The following LITAF variants were observed in gnomAD, a reference collection of about 807,000 sequenced individuals.
LITAF encodes lipopolysaccharide induced TNF factor, also known as lipopolysaccharide-induced tumor necrosis factor-alpha factor.
In LITAF, 9 loss-of-function variants were observed where a neutral mutation model predicts 14.5. The ratio of observed to expected loss-of-function variants is 0.62; its 90% CI spans 0.37 to 1.08. The LOEUF (loss-of-function observed/expected upper bound fraction) is 1.08. Among genes scored for constraint, LITAF ranks in the 50% least tolerant of loss-of-function variants. The pLI is 0.01. For missense variants in LITAF, 206 were observed against 213.4 expected (o/e 0.97, Z 0.22); for synonymous variants, 98 against 88.2 (o/e 1.11, Z -0.62).
chr16:11,602,760 C>CAAA (rs35880448), upstream of LITAF, among the ~76,000 whole-genome samples: 217 of 114,114 alleles, frequency 1.9e-3, 2 homozygotes, highest in Middle Eastern at 3.9e-3. Context: ...TGGCTTGTTG[C>CAAA]AAAAAAAAAA....
At chr16:11,587,922 C>G (rs1234967159), upstream of LITAF, among the ~76,000 whole-genome samples, 2 of 152,196 alleles carry the variant, frequency 1.3e-5, no homozygotes, top group Non-Finnish European at 2.9e-5. Flanking sequence ...GAGCCCCATG[C>G]TGGCAAAGAC....
At chr16:11,580,313 A>T (rs1181710935) in intron 1 of LITAF, among the ~76,000 whole-genome samples, 1 of 151,684 alleles carries the variant, frequency 6.6e-6, no homozygotes, top group Non-Finnish European at 1.5e-5. Flanking sequence ...GCTGGCGTAC[A>T]GTGGTGTGAT....
upstream of LITAF, among the ~76,000 whole-genome samples, chr16:11,638,109 T>TAGATAGATAGATAG (rs1567271187): frequency 7.3e-5 from 5 of 68,660 alleles, no homozygotes; most frequent in African/African-American, 5.0e-4. Flanking sequence ...TATATATATA[T>TAGATAGATAGATAG]CTATCTATAT....
intron 2 of LITAF, chr16:11,556,151 C>A (rs141646898): frequency 7.3e-6 from 3 of 412,946 alleles, no homozygotes; most frequent in African/African-American, 2.0e-5. Context: ...CTATTCCTAC[C>A]TCGGCCCTGG....
In LITAF at chr16:11,549,874, G is replaced by A; in HGVS notation, c.378-129C>T. On this transcript the variant is annotated intron_variant, in intron 3 of 3. Coordinates refer to ENST00000622633, the MANE Select transcript of LITAF (RefSeq NM_001136472.2). This position sits in a 1 kb window ranked among gnomAD's most constrained non-coding sequence, Gnocchi z 4.6. ...CCAGTATAATTAGGAATTTTGAGATGGGATCATCTTGGATTATCCAGGCGG... is the reference window on the plus strand; with the variant it reads ...CCAGTATAATTAGGAATTTTGAGATAGGATCATCTTGGATTATCCAGGCGG... The A allele has an allele frequency of 2.7e-6, 2 of 749,760 alleles. No homozygotes were observed. Among genetic ancestry groups the A allele is most frequent in the East Asian group, 2.8e-5 (1 of 35,420 alleles). The allele number at this position is 749,760 out of a possible 1,614,324, so 46.4% of individuals were successfully genotyped here. A position where few individuals can be genotyped will look rare whatever the true frequency, so the allele number is the denominator to read the frequency against.
At chr16:11,559,069 G>A (rs1041603478) in intron 1 of LITAF, among the ~76,000 whole-genome samples, 1 of 152,084 alleles carries the variant, frequency 6.6e-6, no homozygotes, top group African/African-American at 2.4e-5. Context: ...ACAACATAGT[G>A]ATACCCTCTC....
intron 3 of LITAF, among the ~76,000 whole-genome samples, chr16:11,624,355 C>A (rs535840558): frequency 6.8e-4 from 104 of 152,268 alleles, no homozygotes; most frequent in African/African-American, 2.4e-3. Context: ...GTGTGGGTCA[C>A]GTGCCCATCC....
chr16:11,602,058 A>G (rs577717129), upstream of LITAF, among the ~76,000 whole-genome samples: 39 of 152,318 alleles, frequency 2.6e-4, no homozygotes, highest in African/African-American at 9.1e-4. Context: ...ACCACTCAAT[A>G]AGATAACTCT....
Position 11,548,299 on chromosome 16 carries a change from G to GCTTGCAAGC in LITAF, c.*1337_*1338insGCTTGCAAG, listed in dbSNP as rs1231439881. On this transcript the variant is annotated 3_prime_UTR_variant, in exon 4 of 4. Coordinates refer to ENST00000622633, the MANE Select transcript of LITAF (RefSeq NM_001136472.2). ...CAAAGATGACACAGCAGCCAACCTA[G>GCTTGCAAGC]AATCCTGGCTTGCTGCTTGAGTCCT... is the stretch of plus-strand genomic sequence containing the variant. 1 of 453,998 alleles carries GCTTGCAAGC rather than the reference G, an allele frequency of 2.2e-6. No individual in the cohort carries two copies. The highest frequency in any genetic ancestry group is 4.4e-6 in the Non-Finnish European group (1 of 226,726). 28.1% of individuals were successfully genotyped at this position (453,998 alleles called of 1,614,324 possible). A position where few individuals can be genotyped will look rare whatever the true frequency, so the allele number is the denominator to read the frequency against.
At chr16:11,637,908 A>C (rs75378211), upstream of LITAF, among the ~76,000 whole-genome samples, 923 of 59,590 alleles carry the variant, frequency 0.015, 230 homozygotes, top group South Asian at 0.065. Context: ...CTATATATAT[A>C]TATATCTATA....
At chr16:11,574,033 A>C (rs983763284) in intron 1 of LITAF, among the ~76,000 whole-genome samples, 1 of 141,070 alleles carries the variant, frequency 7.1e-6, no homozygotes, top group Non-Finnish European at 1.5e-5. Flanking sequence ...TGTTGTTTTT[A>C]AAGACAGGTT....
chr16:11,631,457 G>A (rs1314575702), intron 3 of LITAF, among the ~76,000 whole-genome samples: 1 of 152,022 alleles, frequency 6.6e-6, no homozygotes, highest in Non-Finnish European at 1.5e-5. Flanking sequence ...GTGCAGTGGC[G>A]TGAACATAGC....
At chr16:11,600,386 G>A (rs2064919628), upstream of LITAF, among the ~76,000 whole-genome samples, 1 of 152,254 alleles carries the variant, frequency 6.6e-6, no homozygotes, top group Non-Finnish European at 1.5e-5. The surrounding 1 kb of genome is among the most constrained non-coding windows in gnomAD (Gnocchi z 4.1). Context: ...TCACTGCTGT[G>A]TCCCAGATGC....
chr16:11,601,926 AGATGGGATGTTCTT>A (rs933579879), upstream of LITAF, among the ~76,000 whole-genome samples: 2 of 152,162 alleles, frequency 1.3e-5, no homozygotes, highest in Non-Finnish European at 2.9e-5. Context: ...TCCTGTGCCT[AGATGGGATGTTCTT>A]GCTCCTGTGC....
chr16:11,596,289 C>A (rs972681040), intron 1 of LITAF, among the ~76,000 whole-genome samples: 7 of 151,972 alleles, frequency 4.6e-5, no homozygotes, highest in Non-Finnish European at 1.0e-4. Context: ...GCCCTGTAAA[C>A]CGCAGGAAGA....
chr16:11,618,994 A>AAACAAAC (rs1555473610), intron 3 of LITAF, among the ~76,000 whole-genome samples: 1 of 148,176 alleles, frequency 6.7e-6, no homozygotes, highest in Non-Finnish European at 1.5e-5. Flanking sequence ...AAAAAAAAAC[A>AAACAAAC]AAACAAACAA....
upstream of LITAF, among the ~76,000 whole-genome samples, chr16:11,601,803 G>T (rs145250428): frequency 6.6e-6 from 1 of 152,066 alleles, no homozygotes; most frequent in African/African-American, 2.4e-5. Context: ...CAAGTAATCC[G>T]CCTGCCTAGG....
chr16:11,596,682 G>T, intron 1 of LITAF, among the ~76,000 whole-genome samples: 1 of 94,046 alleles, frequency 1.1e-5, no homozygotes, highest in African/African-American at 4.3e-5. Flanking sequence ...AAAAAGGAGG[G>T]GAGGGGGAAG....
chr16:11,617,917 C>T (rs1395849751), intron 3 of LITAF, among the ~76,000 whole-genome samples: 1 of 152,092 alleles, frequency 6.6e-6, no homozygotes, highest in Non-Finnish European at 1.5e-5. Flanking sequence ...GTCACACAGG[C>T]TGGAATGTAG....
Sources: allele counts gnomAD v4.1 joint callset (sites outside exome capture counted in the v4.1 genomes callset), GRCh38; gene constraint gnomAD v4.1.1; non-coding constraint Gnocchi (gnomAD v3.1); transcripts MANE v1.5; gene names NCBI Gene and HGNC (gene_info 2026-07-23, HGNC 2026-07-21).